RBFOX1: variants seen among roughly 807,000 people sequenced by gnomAD.
RBFOX1 encodes the protein RNA binding protein fox-1 homolog 1.
Under a neutral mutation model 57.7 loss-of-function variants are expected in RBFOX1, and 8 were observed. The ratio of observed to expected loss-of-function variants is 0.14; its 90% CI spans 0.08 to 0.25. The LOEUF is 0.25. RBFOX1 is among the 10% of genes least tolerant of loss of function. The pLI, the probability that RBFOX1 is intolerant of heterozygous loss-of-function variation, is 1.00. For missense variants in RBFOX1, 611 were observed against 548.5 expected (o/e 1.11, Z -1.14); for synonymous variants, 326 against 222.4 (o/e 1.47, Z -4.15).
At chr16:7,210,441 C>T (rs988462409) in intron 4 of RBFOX1, among the ~76,000 whole-genome samples, 1 of 152,032 alleles carries the variant, frequency 6.6e-6, no homozygotes, top group African/African-American at 2.4e-5. Flanking sequence ...CTACACTCAC[C>T]AAGATTTCTT....
At chr16:7,342,477 C>G (rs2096917256) in intron 4 of RBFOX1, among the ~76,000 whole-genome samples, 1 of 152,220 alleles carries the variant, frequency 6.6e-6, no homozygotes, top group Non-Finnish European at 1.5e-5. Context: ...GCTCATTGTA[C>G]CAACGCCACA....
chr16:6,637,793 C>T (rs1020380660), intron 2 of RBFOX1, among the ~76,000 whole-genome samples: 1 of 151,794 alleles, frequency 6.6e-6, no homozygotes, highest in Non-Finnish European at 1.5e-5. Flanking sequence ...AGCAGGAGGG[C>T]AGGATATTCC....
intron 2 of RBFOX1, among the ~76,000 whole-genome samples, chr16:5,508,519 G>T (rs557574342): frequency 1.3e-5 from 2 of 152,208 alleles, no homozygotes; most frequent in African/African-American, 2.4e-5. Flanking sequence ...TCCCGAGGTC[G>T]GGTGGGAGAT....
chr16:6,730,706 A>T (rs2068348851), intron 3 of RBFOX1, among the ~76,000 whole-genome samples: 1 of 152,176 alleles, frequency 6.6e-6, no homozygotes, highest in African/African-American at 2.4e-5. Flanking sequence ...TGTCCAAACG[A>T]TTTTTAAGGT....
intron 2 of RBFOX1, among the ~76,000 whole-genome samples, chr16:6,542,675 G>A (rs1022926756): frequency 2.0e-5 from 3 of 151,676 alleles, no homozygotes; most frequent in South Asian, 2.1e-4. Flanking sequence ...TGTATTTTTA[G>A]TAGAGACGGG....
chr16:5,406,570 CTTTATT>C (rs1300840005), intron 1 of RBFOX1, among the ~76,000 whole-genome samples: 1 of 151,884 alleles, frequency 6.6e-6, no homozygotes, highest in Non-Finnish European at 1.5e-5. Context: ...GTTTCTCTCT[CTTTATT>C]TCTCTCTCTC....
intron 3 of RBFOX1, among the ~76,000 whole-genome samples, chr16:6,686,508 T>C (rs984211395): frequency 6.6e-6 from 1 of 152,196 alleles, no homozygotes; most frequent in Non-Finnish European, 1.5e-5. Flanking sequence ...TTCTGTGAAA[T>C]TGGTGTTCTT....
chr16:7,355,011 C>A (rs995342666), intron 4 of RBFOX1, among the ~76,000 whole-genome samples: 2 of 152,108 alleles, frequency 1.3e-5, no homozygotes, highest in Non-Finnish European at 2.9e-5. Flanking sequence ...TAATAGTTAA[C>A]GTTTGTACTT....
intron 3 of RBFOX1, among the ~76,000 whole-genome samples, chr16:6,997,748 C>T (rs1008428058): frequency 6.6e-6 from 1 of 152,052 alleles, no homozygotes; most frequent in Non-Finnish European, 1.5e-5. Context: ...TGAATATTAA[C>T]TTTGTTGTTC....
At position 7,496,295 on chromosome 16, in the gene RBFOX1, A is replaced by G. The variant is rs182058814; in HGVS notation, c.28-21852A>G. Among the ~76,000 whole-genome samples the G allele has an allele frequency of 2.4e-3, 371 of 152,292 alleles. 1 individual carries two copies. The highest frequency in any genetic ancestry group is 8.5e-3 in the African/African-American group (355 of 41,556). On this transcript the variant is annotated intron_variant, in intron 4 of 15. Transcript: ENST00000550418. ...GTAGCTGGAATTACAGGCATGTGCC[A>G]CCACATCTGTCTAATTTTTGTATTT...
intron 1 of RBFOX1, among the ~76,000 whole-genome samples, chr16:5,382,851 T>C (rs1361058891): frequency 6.6e-6 from 1 of 152,350 alleles, no homozygotes; most frequent in East Asian, 1.9e-4. Flanking sequence ...GGAGATAATT[T>C]ATGCCCATTT....
intron 3 of RBFOX1, among the ~76,000 whole-genome samples, chr16:5,767,368 GA>G (rs2053822240): frequency 6.6e-6 from 1 of 152,228 alleles, no homozygotes; most frequent in African/African-American, 2.4e-5. Flanking sequence ...GACCTCCACA[GA>G]AATTCATTAA....
At chr16:5,901,544 C>G (rs918366716) in intron 4 of RBFOX1, among the ~76,000 whole-genome samples, 13 of 152,122 alleles carry the variant, frequency 8.5e-5, no homozygotes, top group African/African-American at 3.1e-4. Flanking sequence ...GCCGTTACAC[C>G]TAAACTGAAA....
intron 4 of RBFOX1, among the ~76,000 whole-genome samples, chr16:5,965,211 T>A (rs2059820176): frequency 6.6e-6 from 1 of 152,156 alleles, no homozygotes; most frequent in Admixed American, 6.5e-5. Context: ...TTGAACAAGT[T>A]CTGGAGACCT....
intron 1 of RBFOX1, among the ~76,000 whole-genome samples, chr16:6,191,129 G>GTTTTTT (rs5815289): frequency 6.7e-5 from 9 of 133,948 alleles, no homozygotes; most frequent in Non-Finnish European, 3.2e-5. Flanking sequence ...TGCGTCTGTG[G>GTTTTTT]TTTTTTTTTT....
chr16:7,150,316 T>C (rs1199737811), intron 4 of RBFOX1, among the ~76,000 whole-genome samples: 2 of 152,248 alleles, frequency 1.3e-5, no homozygotes, highest in East Asian at 3.8e-4. Flanking sequence ...CCTCTTTGTA[T>C]GTCTTCACGG....
chr16:5,928,489 C>G (rs1403201523), intron 4 of RBFOX1, among the ~76,000 whole-genome samples: 1 of 151,636 alleles, frequency 6.6e-6, no homozygotes, highest in East Asian at 1.9e-4. Flanking sequence ...ATGGATGTAT[C>G]AAAACATCAT....
chr16:7,182,713 C>G (rs1293794420), intron 4 of RBFOX1, among the ~76,000 whole-genome samples: 1 of 152,032 alleles, frequency 6.6e-6, no homozygotes, highest in Non-Finnish European at 1.5e-5. Context: ...GATCAGCACC[C>G]TGGACAGCAT....
At chr16:7,121,206 A>G (rs1318102532) in intron 4 of RBFOX1, among the ~76,000 whole-genome samples, 8 of 152,094 alleles carry the variant, frequency 5.3e-5, no homozygotes, top group African/African-American at 1.7e-4. Flanking sequence ...AGCAGGAACA[A>G]GGGAGGAGCT....
Sources: gnomAD v4.1 joint callset for allele counts (sites outside exome capture counted in the v4.1 genomes callset) on GRCh38, gnomAD v4.1.1 for gene constraint, MANE v1.5 for transcripts, NCBI Gene and HGNC (gene_info 2026-07-23, HGNC 2026-07-21) for gene names.